OSR2: variants seen among roughly 807,000 people sequenced by gnomAD.
OSR2 encodes protein odd-skipped-related 2.
Under a neutral mutation model 22.3 loss-of-function variants are expected in OSR2, and 8 were observed. The observed-to-expected ratio is 0.36, with a 90% CI of 0.21 to 0.65. OSR2 has a LOEUF of 0.65. Among genes scored for constraint, OSR2 ranks in the 30% least tolerant of loss-of-function variants. OSR2 has a pLI of 0.66. For missense variants in OSR2, 311 were observed against 413.4 expected (o/e 0.75, Z 2.15); for synonymous variants, 179 against 173.8 (o/e 1.03, Z -0.23).
chr8:98,945,215 C>T (rs924871276), intron 1 of OSR2, among the ~76,000 whole-genome samples: 1 of 152,318 alleles, frequency 6.6e-6, no homozygotes, highest in Middle Eastern at 3.4e-3. Flanking sequence ...TGGACGGGCC[C>T]GGACACCCGG....
intron 2 of OSR2, among the ~76,000 whole-genome samples, chr8:98,950,036 T>A (rs1312392366): frequency 7.8e-6 from 1 of 128,874 alleles, no homozygotes; most frequent in Non-Finnish European, 1.6e-5. Context: ...CGTGGGGACC[T>A]TTCTTTTAAG....
Position 98,951,701 on chromosome 8 carries a change from G to A in OSR2, c.939G>A (p.Ter313=). 2 of 1,611,098 alleles carry A rather than the reference G, an allele frequency of 1.2e-6. No homozygotes were observed. Among genetic ancestry groups the A allele is most frequent in the Non-Finnish European group, 1.7e-6 (2 of 1,178,826 alleles). ...CTCACACCCCGCGGCAGGACTTCTAGAGAAGCCCAGGATCTGTCCCGTGCC... is the reference window on the plus strand; with the variant it reads ...CTCACACCCCGCGGCAGGACTTCTAAAGAAGCCCAGGATCTGTCCCGTGCC... The part of the protein sequence containing the change: ...SLTHTPRQDF[*] Residue 313 remains the stop codon, a stop_retained_variant, in exon 4 of 4, where the codon TAG becomes TAA. Coordinates refer to ENST00000297565, the MANE Select transcript of OSR2 (RefSeq NM_001142462.3).
At chr8:98,947,554 C>T (rs1840644832) in intron 1 of OSR2, among the ~76,000 whole-genome samples, 1 of 152,168 alleles carries the variant, frequency 6.6e-6, no homozygotes, top group Admixed American at 6.5e-5. Context: ...CCCGAACTGG[C>T]AGAACTCCTT....
Position 98,948,510 on chromosome 8 carries a change from G to C in OSR2, c.-114-329G>C, listed in dbSNP as rs1316132957. ...AGGGTGGGCTGGGCTGGGCTGGGCT[G>C]GGCTGGGTGCTGCCCGGCTGTCCGC... On this transcript the variant is annotated intron_variant, in intron 1 of 3. Transcript: ENST00000297565. The surrounding 1 kb of genome is among the most constrained non-coding windows in gnomAD (Gnocchi z 6.0). 7.5e-7 allele frequency: 1 copy of C among 1,330,890 alleles called. No individual in the cohort carries two copies. The highest frequency in any genetic ancestry group is 2.8e-5 in the East Asian group (1 of 36,302). The allele number at this position is 1,330,890 out of a possible 1,614,324, so 82.4% of individuals were successfully genotyped here.
In OSR2 at chr8:98,948,430, C is replaced by T. The variant is rs117874610; in HGVS notation, c.-114-409C>T. On this transcript the variant is annotated intron_variant, in intron 1 of 3. Coordinates refer to ENST00000297565, the MANE Select transcript of OSR2 (RefSeq NM_001142462.3). This position sits in a 1 kb window ranked among gnomAD's most constrained non-coding sequence, Gnocchi z 6.0. ...GCGCAGCGGCGACAGAGGTTCGCCC[C>T]GGCCTGCTAGCATTGGCATTGCGGT... 0.04 allele frequency: 46,223 copies of T among 1,165,118 alleles called. 876 individuals carry two copies. Among genetic ancestry groups the T allele is most frequent in the Non-Finnish European group, 0.043 (40,746 of 936,738 alleles). 72.2% of individuals were successfully genotyped at this position (1,165,118 alleles called of 1,614,324 possible).
At chr8:98,945,712 C>T (rs756745849) in intron 1 of OSR2, among the ~76,000 whole-genome samples, 2 of 152,166 alleles carry the variant, frequency 1.3e-5, no homozygotes, top group Non-Finnish European at 2.9e-5. Context: ...ACTTCGCAGC[C>T]GTTTCTCTAT....
Position 98,949,678 on chromosome 8 carries a change from G to A in OSR2, c.656+70G>A. ...GTCCTGGACACACCGAGTCCTGATA[G>A]ACATTCCCAGTGTCATTATAATCCC... On this transcript the variant is annotated intron_variant, in intron 2 of 3. Coordinates refer to ENST00000297565, the MANE Select transcript of OSR2 (RefSeq NM_001142462.3). The surrounding 1 kb of genome is among the most constrained non-coding windows in gnomAD (Gnocchi z 5.9). 1 of 1,508,404 alleles carries A rather than the reference G, an allele frequency of 6.6e-7. No homozygotes were observed. The highest frequency in any genetic ancestry group is 9.0e-7 in the Non-Finnish European group (1 of 1,116,110). The allele number at this position is 1,508,404 out of a possible 1,614,324, so 93.4% of individuals were successfully genotyped here.
rs1204823040 is a variant in OSR2, at chr8:98,944,690, T to A, written c.-248T>A. The stretch of plus-strand genomic sequence containing the variant: ...TAGCTGCTCGCGGTCCTCCAGATCA[T>A]GTCCGCGACTCCTGCGACTCCGCGC... On this transcript the variant is annotated 5_prime_UTR_variant, in exon 1 of 4. It removes an upstream start codon present in the reference 5' UTR. Coordinates refer to ENST00000297565, the MANE Select transcript of OSR2 (RefSeq NM_001142462.3). The A allele has an allele frequency of 6.6e-6, 1 of 152,278 alleles. No individual in the cohort carries two copies. The highest frequency in any genetic ancestry group is 1.5e-5 in the Non-Finnish European group (1 of 68,086). The allele number at this position is 152,278 out of a possible 1,614,324, so 9.4% of individuals were successfully genotyped here. A position where few individuals can be genotyped will look rare whatever the true frequency, so the allele number is the denominator to read the frequency against.
chr8:98,951,892 T>G lies in OSR2; in HGVS notation c.*191T>G, dbSNP rs1840795591. 1.7e-6 allele frequency: 1 copy of G among 578,588 alleles called. No individual in the cohort carries two copies. Among genetic ancestry groups the G allele is most frequent in the Admixed American group, 3.0e-5 (1 of 33,488 alleles). The allele number at this position is 578,588 out of a possible 1,614,324, so 35.8% of individuals were successfully genotyped here. ...AGAACTGTAGAAAGCCACACACTACTACATCCCTTCACAAAGAGTATATGC... is the reference window on the plus strand; with the variant it reads ...AGAACTGTAGAAAGCCACACACTACGACATCCCTTCACAAAGAGTATATGC... On this transcript the variant is annotated 3_prime_UTR_variant, in exon 4 of 4. Coordinates refer to ENST00000297565, the MANE Select transcript of OSR2 (RefSeq NM_001142462.3).
rs1372365850 is a variant in OSR2 at position 98,944,504 on chromosome 8, C to T, written c.-434C>T. 6.6e-6 allele frequency: 1 copy of T among 152,234 alleles called. No individual in the cohort carries two copies. Among genetic ancestry groups the T allele is most frequent in the Non-Finnish European group, 1.5e-5 (1 of 68,086 alleles). The allele number at this position is 152,234 out of a possible 1,614,324, so 9.4% of individuals were successfully genotyped here. On this transcript the variant is annotated 5_prime_UTR_variant, in exon 1 of 4. Coordinates refer to ENST00000297565, the MANE Select transcript of OSR2 (RefSeq NM_001142462.3). ...GTGCTTGCTGCTGGAGGGTGATGGC[C>T]CTGCAAGGCTGTGGGCTCCGACCTC... is the stretch of plus-strand genomic sequence containing the variant.
chr8:98,945,879 A>G (rs1333603532), intron 1 of OSR2, among the ~76,000 whole-genome samples: 2 of 152,212 alleles, frequency 1.3e-5, no homozygotes, highest in Non-Finnish European at 2.9e-5. Context: ...TCCGACCATC[A>G]GTCATTTATC....
At chr8:98,945,757 T>G (rs1337593831) in intron 1 of OSR2, among the ~76,000 whole-genome samples, 1 of 152,220 alleles carries the variant, frequency 6.6e-6, no homozygotes, top group Non-Finnish European at 1.5e-5. Context: ...CAATCTGTCC[T>G]TTAACAATTT....
rs1840728319 is a variant in OSR2 at position 98,949,760 on chromosome 8, A to G, written c.656+152A>G. Among the ~76,000 whole-genome samples, 1 of 152,158 alleles carries G rather than the reference A, an allele frequency of 6.6e-6. No homozygotes were observed. Among genetic ancestry groups the G allele is most frequent in the Non-Finnish European group, 1.5e-5 (1 of 68,006 alleles). ...CCTCAGCCCGGTTCAGCTAATTCCC[A>G]ACATCTACCCTTTCTTTCCCCCAGC... On this transcript the variant is annotated intron_variant, in intron 2 of 3. Transcript: ENST00000297565. The surrounding 1 kb of genome is among the most constrained non-coding windows in gnomAD (Gnocchi z 5.9).
Position 98,948,061 on chromosome 8 carries a change from C to A in OSR2, c.-114-778C>A. On this transcript the variant is annotated intron_variant, in intron 1 of 3. Coordinates refer to ENST00000297565, the MANE Select transcript of OSR2 (RefSeq NM_001142462.3). This position sits in a 1 kb window ranked among gnomAD's most constrained non-coding sequence, Gnocchi z 6.0. Reference sequence around the variant, plus strand: ...GGAGCCTGAACCATCTGGAAGGGATCTTAGTCGGGGGTTGGGAGGAGAGCC... The same window carrying A: ...GGAGCCTGAACCATCTGGAAGGGATATTAGTCGGGGGTTGGGAGGAGAGCC... 1 of 1,273,146 alleles carries A rather than the reference C, an allele frequency of 7.9e-7. No individual in the cohort carries two copies. The highest frequency in any genetic ancestry group is 1.0e-6 in the Non-Finnish European group (1 of 991,692). The allele number at this position is 1,273,146 out of a possible 1,614,324, so 78.9% of individuals were successfully genotyped here.
In OSR2 at chr8:98,950,614, T is replaced by C. The variant is rs768280309; in HGVS notation, c.657-42T>C. 1.2e-5 allele frequency: 16 copies of C among 1,324,218 alleles called. No individual in the cohort carries two copies. In the East Asian group the frequency reaches 3.5e-4, roughly 29 times the overall value. The allele number at this position is 1,324,218 out of a possible 1,614,324, so 82.0% of individuals were successfully genotyped here. A position where few individuals can be genotyped will look rare whatever the true frequency, so the allele number is the denominator to read the frequency against. The stretch of plus-strand genomic sequence containing the variant: ...AATTGCTAAAAGTAACTCTTCACCA[T>C]GGGGCAAAGTTATTTCAATGAAACC... On this transcript the variant is annotated intron_variant, in intron 2 of 3. Transcript: ENST00000297565.
In OSR2 at chr8:98,949,476, A is replaced by G; in HGVS notation, c.524A>G (p.Lys175Arg). The G allele has an allele frequency of 6.2e-7, 1 of 1,614,054 alleles. No homozygotes were observed. The highest frequency in any genetic ancestry group is 8.5e-7 in the Non-Finnish European group (1 of 1,179,900). ...AAAACGAAAAAAGAGTTTATCTGCAAGTTTTGCGGCAGACACTTTACCAAA... is the reference window on the plus strand; with the variant it reads ...AAAACGAAAAAAGAGTTTATCTGCAGGTTTTGCGGCAGACACTTTACCAAA... ...PSKTKKEFIC[K>R]FCGRHFTKSY... The change falls in exon 2 of 4, where the codon AAG becomes AGG. Residue 175 changes from lysine (K) to arginine (R), a missense_variant. Physicochemically the swap from Lys to Arg is conservative, Grantham distance 26. Transcript: ENST00000297565. The surrounding 1 kb of genome is among the most constrained non-coding windows in gnomAD (Gnocchi z 5.9).
intron 1 of OSR2, chr8:98,946,306 A>G (rs1267682180): frequency 1.3e-5 from 2 of 152,248 alleles, no homozygotes; most frequent in East Asian, 3.8e-4. Context: ...GGGAACTACA[A>G]GGCTCAGCTC....
intron 3 of OSR2, 25 bp from the exon 4 acceptor site, chr8:98,951,494 C>T (rs1485487523): frequency 6.4e-7 from 1 of 1,555,666 alleles, no homozygotes; most frequent in South Asian, 1.2e-5. Context: ...AGGATTAATC[C>T]TTTGCTTGCT....
At position 98,948,330 on chromosome 8, in the gene OSR2, A is replaced by G. The variant is rs995996183; in HGVS notation, c.-114-509A>G. The G allele has an allele frequency of 5.4e-5, 82 of 1,523,428 alleles. No individual in the cohort carries two copies. The highest frequency in any genetic ancestry group is 6.4e-5 in the Non-Finnish European group (73 of 1,139,632). 94.4% of individuals were successfully genotyped at this position (1,523,428 alleles called of 1,614,324 possible). On this transcript the variant is annotated intron_variant, in intron 1 of 3. Coordinates refer to ENST00000297565, the MANE Select transcript of OSR2 (RefSeq NM_001142462.3). The surrounding 1 kb of genome is among the most constrained non-coding windows in gnomAD (Gnocchi z 6.0). ...CCGGGTAAGCGCGGGAAAGGCGGCC[A>G]CAGGGCGCGGCGGCAGCGCAGCGCG... is the stretch of plus-strand genomic sequence containing the variant.
Sources: gnomAD v4.1 joint callset for allele counts (sites outside exome capture counted in the v4.1 genomes callset) on GRCh38, gnomAD v4.1.1 for gene constraint, Gnocchi (gnomAD v3.1) non-coding constraint, MANE v1.5 for transcripts, NCBI Gene and HGNC (gene_info 2026-07-23, HGNC 2026-07-21) for gene names.